Variants in BEND4 observed in about 807,000 individuals in gnomAD.
BEND4 encodes the protein BEN domain containing 4.
A neutral mutation model predicts 54.7 loss-of-function variants in BEND4; 27 were observed. That is an observed-to-expected ratio of 0.49 (90% CI 0.36 to 0.68). The LOEUF (loss-of-function observed/expected upper bound fraction) is 0.68. BEND4 is among the 30% of genes least tolerant of loss of function. The pLI is 0.00. For synonymous variants in BEND4, 327 were observed against 299.5 expected (o/e 1.09, Z -0.95); for missense variants, 702 against 697.2 (o/e 1.01, Z -0.08).
intron 3 of BEND4, among the ~76,000 whole-genome samples, chr4:42,137,029 T>C (rs1267016666): frequency 6.6e-6 from 1 of 152,158 alleles, no homozygotes; most frequent in African/African-American, 2.4e-5. Context: ...AACATAACGA[T>C]GGTGAATAAT....
chr4:42,132,656 G>C (rs980801629), intron 3 of BEND4, among the ~76,000 whole-genome samples: 1 of 151,964 alleles, frequency 6.6e-6, no homozygotes, highest in Non-Finnish European at 1.5e-5. Flanking sequence ...ATGTTGACCA[G>C]GGGGGTCTGG....
intron 5 of BEND4, among the ~76,000 whole-genome samples, chr4:42,118,900 C>G (rs959063966): frequency 7.2e-5 from 11 of 152,162 alleles, no homozygotes; most frequent in Non-Finnish European, 1.3e-4. Flanking sequence ...TTCAGACCAA[C>G]TAATAGGAGG....
At chr4:42,139,428 G>A (rs1372645885) in intron 3 of BEND4, among the ~76,000 whole-genome samples, 1 of 151,686 alleles carries the variant, frequency 6.6e-6, no homozygotes, top group South Asian at 2.1e-4. Flanking sequence ...AGTAGTGCCA[G>A]AAATAGTGCC....
In BEND4 at chr4:42,151,835, G is replaced by A; in HGVS notation, c.309C>T (p.Ser103=). The part of the protein sequence containing the change: ...AAAAASSSSP[S]CTPATSQGHL... ...GGCCCTGGGATGTGGCGGGCGTGCAGGACGGCGACGACGACGAAGCGGCGG... is the reference window on the plus strand; with the variant it reads ...GGCCCTGGGATGTGGCGGGCGTGCAAGACGGCGACGACGACGAAGCGGCGG... The change falls in exon 2 of 6, where the codon TCC becomes TCT. Residue 103 remains serine, a synonymous_variant. Coordinates refer to ENST00000502486, the MANE Select transcript of BEND4 (RefSeq NM_207406.4). 7.4e-7 allele frequency: 1 copy of A among 1,352,416 alleles called. No homozygotes were observed. The highest frequency in any genetic ancestry group is 9.4e-7 in the Non-Finnish European group (1 of 1,062,226). 83.8% of individuals were successfully genotyped at this position (1,352,416 alleles called of 1,614,324 possible).
intron 3 of BEND4, among the ~76,000 whole-genome samples, chr4:42,140,190 A>G (rs1241359347): frequency 6.6e-6 from 1 of 151,852 alleles, no homozygotes; most frequent in African/African-American, 2.4e-5. Context: ...TCATGAACAC[A>G]TGGTAAGTAA....
Position 42,117,465 on chromosome 4 carries a change from C to A in BEND4, c.*53G>T. On this transcript the variant is annotated 3_prime_UTR_variant, in exon 6 of 6. Transcript: ENST00000502486. ...TCTCAGGTGACAGGAACAGGACATT[C>A]ACAATTGGAACTCTTGAGAGGACCA... is the stretch of plus-strand genomic sequence containing the variant. 1 of 1,315,784 alleles carries A rather than the reference C, an allele frequency of 7.6e-7. No individual in the cohort carries two copies. Among genetic ancestry groups the A allele is most frequent in the East Asian group, 2.4e-5 (1 of 40,908 alleles). 81.5% of individuals were successfully genotyped at this position (1,315,784 alleles called of 1,614,324 possible). A position where few individuals can be genotyped will look rare whatever the true frequency, so the allele number is the denominator to read the frequency against.
At chr4:42,145,939 G>A (rs990777095) in intron 2 of BEND4, among the ~76,000 whole-genome samples, 2 of 152,172 alleles carry the variant, frequency 1.3e-5, no homozygotes, top group Non-Finnish European at 2.9e-5. Flanking sequence ...GAGCATCTTA[G>A]TTTATAGCAT....
chr4:42,134,672 C>G (rs1457431849), intron 3 of BEND4, among the ~76,000 whole-genome samples: 1 of 152,194 alleles, frequency 6.6e-6, no homozygotes, highest in Non-Finnish European at 1.5e-5. Flanking sequence ...GTAACGATAA[C>G]AGAATCTGCA....
intron 2 of BEND4, among the ~76,000 whole-genome samples, chr4:42,148,189 A>AC (rs1721143974): frequency 6.6e-6 from 1 of 152,216 alleles, no homozygotes; most frequent in Non-Finnish European, 1.5e-5. Flanking sequence ...AATAGAAGTT[A>AC]GAAAATCAAA....
chr4:42,137,761 AAAAC>A, intron 3 of BEND4, among the ~76,000 whole-genome samples: 1 of 152,224 alleles, frequency 6.6e-6, no homozygotes, highest in Non-Finnish European at 1.5e-5. Flanking sequence ...CCACAGTGGA[AAAAC>A]AAATAACCCA....
chr4:42,118,923 C>T (rs1394788826), intron 5 of BEND4, among the ~76,000 whole-genome samples: 2 of 152,196 alleles, frequency 1.3e-5, no homozygotes, highest in African/African-American at 2.4e-5. Context: ...TGCTGGAGCA[C>T]TTGTGCCTAG....
intron 3 of BEND4, among the ~76,000 whole-genome samples, chr4:42,143,054 C>A (rs146480557): frequency 6.6e-6 from 1 of 152,090 alleles, no homozygotes; most frequent in Non-Finnish European, 1.5e-5. Flanking sequence ...GGAAGAGGAC[C>A]ACCTTTTAAG....
chr4:42,146,462 T>G (rs571384995), intron 2 of BEND4, among the ~76,000 whole-genome samples: 3 of 152,246 alleles, frequency 2.0e-5, no homozygotes. Flanking sequence ...TGAGGCACTA[T>G]TTGTACTCTT....
At chr4:42,132,315 G>C (rs1157599200) in intron 3 of BEND4, among the ~76,000 whole-genome samples, 1 of 152,234 alleles carries the variant, frequency 6.6e-6, no homozygotes, top group African/African-American at 2.4e-5. Context: ...TGGCCCCCAA[G>C]GGAAGAGAGA....
intron 3 of BEND4, among the ~76,000 whole-genome samples, chr4:42,139,818 C>T (rs886341250): frequency 6.6e-6 from 1 of 152,212 alleles, no homozygotes; most frequent in African/African-American, 2.4e-5. Context: ...GCCCCAGGTC[C>T]TTCCACAGAA....
At chr4:42,151,469 C>T in intron 2 of BEND4, 188 bp downstream of exon 2, 1 of 502,234 alleles carries the variant, frequency 2.0e-6, no homozygotes. Context: ...CCGTCGGAAG[C>T]CCAGGCGCGG....
In BEND4 at chr4:42,117,761, AAG is replaced by A. The variant is rs757465844; in HGVS notation, c.1388-28_1388-27del. 35 of 1,480,348 alleles carry A rather than the reference AAG, an allele frequency of 2.4e-5. No homozygotes were observed. In the Middle Eastern group the frequency reaches 5.2e-4, roughly 22 times the overall value. The allele number at this position is 1,480,348 out of a possible 1,614,324, so 91.7% of individuals were successfully genotyped here. On this transcript the variant is annotated intron_variant, in intron 5 of 5. Coordinates refer to ENST00000502486, the MANE Select transcript of BEND4 (RefSeq NM_207406.4). ...CTGCAGGAATATATACAACATCAAA[AAG>A]AGAGAGAGAAAAAAACAGCTGGTTT...
At position 42,117,581 on chromosome 4, in the gene BEND4, G is replaced by A. The variant is rs748469545; in HGVS notation, c.1542C>T (p.Ile514=). The A allele has an allele frequency of 3.7e-6, 6 of 1,613,144 alleles. No homozygotes were observed. The highest frequency in any genetic ancestry group is 2.2e-5 in the East Asian group (1 of 44,866). The change falls in exon 6 of 6, where the codon ATC becomes ATT. Residue 514 remains isoleucine (I), a synonymous_variant. Coordinates refer to ENST00000502486, the MANE Select transcript of BEND4 (RefSeq NM_207406.4). ...CTTCATCCTGAGAAGCCTGGTGATCGATCCCTTCATAAAATGAGCCACCGT... is the reference window on the plus strand; with the variant it reads ...CTTCATCCTGAGAAGCCTGGTGATCAATCCCTTCATAAAATGAGCCACCGT... ...LHNGGSFYEG[I]DHQASQDEVF...
At position 42,152,043 on chromosome 4, in the gene BEND4, C is replaced by G; in HGVS notation, c.101G>C (p.Arg34Thr). 8.0e-7 allele frequency: 1 copy of G among 1,251,856 alleles called. No individual in the cohort carries two copies. The allele number at this position is 1,251,856 out of a possible 1,614,324, so 77.5% of individuals were successfully genotyped here. The change falls in exon 2 of 6, where the codon AGA becomes ACA. Residue 34 changes from arginine to threonine, a missense_variant. Physicochemically the swap from Arg to Thr is moderately conservative, Grantham distance 71 (BLOSUM62 -1). Coordinates refer to ENST00000502486, the MANE Select transcript of BEND4 (RefSeq NM_207406.4). ...CTCGTAGCGCTTGGCCAGCGCCGGT[C>G]TCTTGCTGGGGAACGTCTTGAGGAC... Reference protein sequence around the residue: ...YSVLKTFPSKRPALAKRYERP... With the variant: ...YSVLKTFPSKTPALAKRYERP...
Sources: gnomAD v4.1 joint callset for allele counts (sites outside exome capture counted in the v4.1 genomes callset) on GRCh38, gnomAD v4.1.1 for gene constraint, MANE v1.5 for transcripts, NCBI Gene and HGNC (gene_info 2026-07-23, HGNC 2026-07-21) for gene names.